Variants in PLCE1 observed in about 807,000 individuals in gnomAD.
PLCE1 encodes 1-phosphatidylinositol 4,5-bisphosphate phosphodiesterase epsilon-1.
A neutral mutation model predicts 242.8 loss-of-function variants in PLCE1; 119 were observed. The observed-to-expected ratio is 0.49, with a 90% confidence interval of 0.42 to 0.57. The LOEUF (loss-of-function observed/expected upper bound fraction) is 0.57, where lower values mean the gene tolerates loss of function less well. Ranked by LOEUF, PLCE1 falls within the 20% of genes least tolerant of loss-of-function variation. The pLI is 0.00. For missense variants in PLCE1, 2,441 were observed against 2,788.8 expected (o/e 0.88, Z 2.81); for synonymous variants, 945 against 1,017.4 (o/e 0.93, Z 1.35).
intron 14 of PLCE1, among the ~76,000 whole-genome samples, chr10:94,264,728 G>C (rs1357807516): frequency 6.6e-6 from 1 of 151,818 alleles, no homozygotes; most frequent in African/African-American, 2.4e-5. Flanking sequence ...CACCATGTTG[G>C]CCAGGCTGGT....
At position 94,165,753 on chromosome 10, in the gene PLCE1, G is replaced by T. The variant is rs1314052513; in HGVS notation, c.1493-5427G>T. ...GACGGTGTCTTGCTCTGTTGCCCAG[G>T]TTGGAATGCAGTGGTGCCATCTCAG... On this transcript the variant is annotated intron_variant, in intron 3 of 32. Transcript: ENST00000371380. 2.6e-5 allele frequency among the ~76,000 whole-genome samples: 4 copies of T among 151,928 alleles called. 1 individual carries two copies. Among genetic ancestry groups the T allele is most frequent in the Admixed American group, 2.6e-4 (4 of 15,234 alleles).
At position 94,306,926 on chromosome 10, in the gene PLCE1, A is replaced by G. The variant is rs1473215312; in HGVS notation, c.5884+238A>G. Among the ~76,000 whole-genome samples, 2 of 152,192 alleles carry G rather than the reference A, an allele frequency of 1.3e-5. No homozygotes were observed. The highest frequency in any genetic ancestry group is 2.9e-5 in the Non-Finnish European group (2 of 68,022). ...TCCCTTGTAAAGTACAGCCTCACCC[A>G]TGCTTGCTGATGTCAGGAGCAGTGG... On this transcript the variant is annotated intron_variant, in intron 26 of 32. Transcript: ENST00000371380. The surrounding 1 kb of genome is among the most constrained non-coding windows in gnomAD (Gnocchi z 5.7).
chr10:94,187,777 G>A (rs536755546), intron 4 of PLCE1, among the ~76,000 whole-genome samples: 1 of 152,294 alleles, frequency 6.6e-6, no homozygotes, highest in East Asian at 1.9e-4. Flanking sequence ...GATTCCATAA[G>A]CCTCACGCGA....
At chr10:94,213,602 T>C (rs2049417720) in intron 4 of PLCE1, among the ~76,000 whole-genome samples, 2 of 152,212 alleles carry the variant, frequency 1.3e-5, no homozygotes, top group Admixed American at 1.3e-4. Context: ...TGATATGTTC[T>C]TTCTGAACAT....
At chr10:94,064,002 G>A (rs940424200) in intron 2 of PLCE1, among the ~76,000 whole-genome samples, 2 of 152,142 alleles carry the variant, frequency 1.3e-5, no homozygotes, top group African/African-American at 4.8e-5. Flanking sequence ...GCAGGAGTAG[G>A]GGGAGTGGGT....
rs151309627 is a variant in PLCE1 at position 94,247,786 on chromosome 10, T to C, written c.3096+1165T>C. Among the ~76,000 whole-genome samples, 62 of 152,296 alleles carry C rather than the reference T, an allele frequency of 4.1e-4. No homozygotes were observed. The East Asian group carries it at 0.011, about 26-fold the overall frequency. ...TACGTTATCAGGTACTCTAACACTATAGTTTAGCGTGGCAACAGGGCTGGG... is the reference window on the plus strand; with the variant it reads ...TACGTTATCAGGTACTCTAACACTACAGTTTAGCGTGGCAACAGGGCTGGG... On this transcript the variant is annotated intron_variant, in intron 8 of 32. Coordinates refer to ENST00000371380, the MANE Select transcript of PLCE1 (RefSeq NM_016341.4).
intron 2 of PLCE1, among the ~76,000 whole-genome samples, chr10:94,110,782 T>C (rs2045931170): frequency 6.6e-6 from 1 of 152,224 alleles, no homozygotes; most frequent in African/African-American, 2.4e-5. Context: ...AGAAGCATCA[T>C]CCTTCTCTGT....
intron 3 of PLCE1, among the ~76,000 whole-genome samples, chr10:94,161,977 G>C (rs1298058879): frequency 6.6e-6 from 1 of 152,130 alleles, no homozygotes. Flanking sequence ...TGCATATGTT[G>C]AACCAGCCTT....
intron 2 of PLCE1, among the ~76,000 whole-genome samples, chr10:94,035,230 A>G (rs977761300): frequency 2.0e-5 from 3 of 152,232 alleles, no homozygotes; most frequent in Non-Finnish European, 4.4e-5. Flanking sequence ...AAATATAGCA[A>G]AGTGAATGGA....
At chr10:94,146,943 C>T (rs2047131178) in intron 3 of PLCE1, among the ~76,000 whole-genome samples, 1 of 152,318 alleles carries the variant, frequency 6.6e-6, no homozygotes, top group Non-Finnish European at 1.5e-5. Flanking sequence ...GTAGCATTCA[C>T]ATTTTCCATG....
rs61751493 is a variant in PLCE1 at position 94,171,182 on chromosome 10, C to A, written c.1495C>A (p.Arg499Ser). 3 of 1,613,944 alleles carry A rather than the reference C, an allele frequency of 1.9e-6. No homozygotes were observed. The highest frequency in any genetic ancestry group is 2.7e-5 in the African/African-American group (2 of 75,040). ...GSTGRMMLKE[R>S]QPGPSVANSN... The stretch of plus-strand genomic sequence containing the variant: ...CGACTTCTGTTGCTTTGTTTTAGAA[C>A]GCCAGCCAGGCCCCTCTGTGGCCAA... Residue 499 changes from arginine to serine, a missense_variant and splice_region_variant, in exon 4 of 33, where the codon CGC becomes AGC. By Grantham distance (110) the Arg-to-Ser change is moderately radical. This residue lies in a region of PLCE1 where 733 missense variants were observed against 754.2 expected (regional missense o/e 0.97). Coordinates refer to ENST00000371380, the MANE Select transcript of PLCE1 (RefSeq NM_016341.4).
intron 2 of PLCE1, among the ~76,000 whole-genome samples, chr10:94,043,285 G>T (rs1019690604): frequency 6.6e-6 from 1 of 152,168 alleles, no homozygotes; most frequent in Non-Finnish European, 1.5e-5. Context: ...AAGCGCAGTC[G>T]AACCCGCTAT....
At chr10:94,211,583 T>G (rs1051646845) in intron 4 of PLCE1, among the ~76,000 whole-genome samples, 1 of 152,262 alleles carries the variant, frequency 6.6e-6, no homozygotes, top group African/African-American at 2.4e-5. Flanking sequence ...AAAGTTGGTC[T>G]GCTTTCTGGA....
intron 2 of PLCE1, among the ~76,000 whole-genome samples, chr10:94,062,866 G>T (rs2134988701): frequency 6.6e-6 from 1 of 152,150 alleles, no homozygotes; most frequent in Non-Finnish European, 1.5e-5. Context: ...TCTTTAATCT[G>T]TACCTCTGAA....
In PLCE1 at chr10:94,270,491, G is replaced by T. The variant is rs759512376; in HGVS notation, c.4395G>T (p.Val1465=). 3.7e-6 allele frequency: 6 copies of T among 1,608,342 alleles called. No homozygotes were observed. Among genetic ancestry groups the T allele is most frequent in the Non-Finnish European group, 4.3e-6 (5 of 1,174,870 alleles). The part of the protein sequence containing the change: ...TLTTKIPFKE[V]VEAIDRSAFI... ...AGCTGTTTTGGCTCTCATAGGAAGTGGTTGAAGCCATTGATCGCAGTGCCT... is the reference window on the plus strand; with the variant it reads ...AGCTGTTTTGGCTCTCATAGGAAGTTGTTGAAGCCATTGATCGCAGTGCCT... The change falls in exon 18 of 33, where the codon GTG becomes GTT. Residue 1465 remains valine (V), a synonymous_variant. Coordinates refer to ENST00000371380, the MANE Select transcript of PLCE1 (RefSeq NM_016341.4).
At chr10:94,158,766 T>C (rs1435750023) in intron 3 of PLCE1, among the ~76,000 whole-genome samples, 1 of 151,830 alleles carries the variant, frequency 6.6e-6, no homozygotes, top group Non-Finnish European at 1.5e-5. Flanking sequence ...TGTGTGTTTA[T>C]AGAAAAATAT....
At position 94,227,463 on chromosome 10, in the gene PLCE1, G is replaced by A. The variant is rs373607890; in HGVS notation, c.1955+12G>A. ...TTGGCTGGCCTCAGGTATAGTCAGTGGGGAATATGGTTATCTTGGCACAAT... is the reference window on the plus strand; with the variant it reads ...TTGGCTGGCCTCAGGTATAGTCAGTAGGGAATATGGTTATCTTGGCACAAT... On this transcript the variant is annotated intron_variant, in intron 5 of 32. Coordinates refer to ENST00000371380, the MANE Select transcript of PLCE1 (RefSeq NM_016341.4). 14 of 1,611,818 alleles carry A rather than the reference G, an allele frequency of 8.7e-6. No homozygotes were observed. The African/African-American group carries it at 1.9e-4, about 22-fold the overall frequency.
chr10:94,315,455 T>A (rs1175154536), intron 28 of PLCE1: 4 of 456,106 alleles, frequency 8.8e-6, no homozygotes, highest in South Asian at 4.6e-5. Context: ...ATTCAGCCTT[T>A]TGTAGTAACC....
rs773517330 is a variant in PLCE1 at position 94,324,528 on chromosome 10, T to G, written c.6681T>G (p.Gly2227=). The part of the protein sequence containing the change: ...CVFQAQSKWK[G]AGKFILKLKE... ...TTCAAGCCCAAAGCAAGTGGAAAGG[T>G]GCAGGAAAATTCATCCTTAAGCTAA... Residue 2227 remains glycine, a synonymous_variant, in exon 31 of 33, where the codon GGT becomes GGG. Coordinates refer to ENST00000371380, the MANE Select transcript of PLCE1 (RefSeq NM_016341.4). 46 of 1,613,992 alleles carry G rather than the reference T, an allele frequency of 2.9e-5. 1 individual carries two copies. Among genetic ancestry groups the G allele is most frequent in the Admixed American group, 5.0e-5 (3 of 59,994 alleles).
Sources: allele counts gnomAD v4.1 joint callset (sites outside exome capture counted in the v4.1 genomes callset), GRCh38; gene constraint gnomAD v4.1.1; regional missense constraint gnomAD v4.1.1; non-coding constraint Gnocchi (gnomAD v3.1); transcripts MANE v1.5; gene names NCBI Gene and HGNC (gene_info 2026-07-23, HGNC 2026-07-21).